KATNBL1: variants seen among roughly 807,000 people sequenced by gnomAD.
KATNBL1 encodes the protein KATNB1-like protein 1.
A neutral mutation model predicts 44.7 loss-of-function variants in KATNBL1; 28 were observed. The ratio of observed to expected loss-of-function variants is 0.63; its 90% CI spans 0.46 to 0.86. KATNBL1 has a LOEUF of 0.86. Ranked by LOEUF, KATNBL1 falls within the 40% of genes least tolerant of loss-of-function variation. The pLI, the probability that KATNBL1 is intolerant of heterozygous loss-of-function variation, is 0.00. For missense variants in KATNBL1, 272 were observed against 350.7 expected, an observed-to-expected ratio of 0.78 and a Z score of 1.79; for synonymous variants, 78 against 114.9, an observed-to-expected ratio of 0.68 and a Z score of 2.06.
intron 1 of KATNBL1, among the ~76,000 whole-genome samples, chr15:34,175,822 G>A (rs775162542): frequency 5.9e-5 from 9 of 151,302 alleles, no homozygotes; most frequent in African/African-American, 1.9e-4. Flanking sequence ...CCCAGATCAC[G>A]CCATTGCACT....
chr15:34,155,694 CATTCT>C (rs1888617404), intron 2 of KATNBL1, among the ~76,000 whole-genome samples: 1 of 152,138 alleles, frequency 6.6e-6, no homozygotes, highest in Non-Finnish European at 1.5e-5. Flanking sequence ...TGTCTAAGGC[CATTCT>C]ATTTTCCCAA....
chr15:34,151,037 T>A (rs1308065133), intron 4 of KATNBL1, among the ~76,000 whole-genome samples: 1 of 152,240 alleles, frequency 6.6e-6, no homozygotes. Context: ...TGATTCCTTG[T>A]CTTTGCTATT....
chr15:34,175,913 T>C (rs1321483599), intron 1 of KATNBL1, among the ~76,000 whole-genome samples: 1 of 152,000 alleles, frequency 6.6e-6, no homozygotes, highest in Non-Finnish European at 1.5e-5. Flanking sequence ...TACTCCTACA[T>C]AAAAATGCAG....
chr15:34,152,329 G>C (rs1037382430), intron 4 of KATNBL1, among the ~76,000 whole-genome samples: 1 of 151,474 alleles, frequency 6.6e-6, no homozygotes, highest in African/African-American at 2.4e-5. Context: ...GCCTCCTTCT[G>C]AGTAGCTGGG....
At chr15:34,206,874 T>C (rs758441044) in intron 1 of KATNBL1, among the ~76,000 whole-genome samples, 5 of 152,128 alleles carry the variant, frequency 3.3e-5, no homozygotes, top group Non-Finnish European at 5.9e-5. Context: ...ACCATTTGTA[T>C]TAGGTTTAAG....
chr15:34,148,545 G>A (rs1171799383), intron 5 of KATNBL1, 87 bp downstream of exon 5: 6 of 736,558 alleles, frequency 8.1e-6, no homozygotes, highest in Non-Finnish European at 4.8e-6. Flanking sequence ...CCATGATTGT[G>A]CCACTGTACT....
chr15:34,146,651 G>A (rs556554357), intron 8 of KATNBL1, 110 bp downstream of exon 8: 3 of 680,468 alleles, frequency 4.4e-6, no homozygotes, highest in South Asian at 1.7e-5. Context: ...AATATAAAAA[G>A]AATAAATACC....
rs771451456 is a variant in KATNBL1, at chr15:34,148,601, T to C, written c.557+31A>G. 3 of 1,257,306 alleles carry C rather than the reference T, an allele frequency of 2.4e-6. No individual in the cohort carries two copies. In the East Asian group the frequency reaches 7.0e-5, roughly 29 times the overall value. The allele number at this position is 1,257,306 out of a possible 1,614,324, so 77.9% of individuals were successfully genotyped here. A position where few individuals can be genotyped will look rare whatever the true frequency, so the allele number is the denominator to read the frequency against. The stretch of plus-strand genomic sequence containing the variant: ...AGAACTTGTCTCAGAAAAAAAGTGA[T>C]TGAACAAAGAGGATAAAAGGTCACA... On this transcript the variant is annotated intron_variant, in intron 5 of 9. Coordinates refer to ENST00000256544, the MANE Select transcript of KATNBL1 (RefSeq NM_024713.3).
At chr15:34,166,527 G>T (rs1194897487) in intron 1 of KATNBL1, among the ~76,000 whole-genome samples, 3 of 152,250 alleles carry the variant, frequency 2.0e-5, no homozygotes, top group Non-Finnish European at 4.4e-5. Flanking sequence ...TGAACAAAAG[G>T]CAGCAGAAAC....
At chr15:34,178,982 GA>G (rs1395012834) in intron 1 of KATNBL1, among the ~76,000 whole-genome samples, 1 of 152,100 alleles carries the variant, frequency 6.6e-6, no homozygotes, top group East Asian at 1.9e-4. Context: ...AAAAGAAGGT[GA>G]TAAGAATGGA....
chr15:34,160,118 G>A (rs75840115), intron 2 of KATNBL1, among the ~76,000 whole-genome samples: 249 of 152,092 alleles, frequency 1.6e-3, no homozygotes, highest in Non-Finnish European at 2.6e-3. Context: ...TTTCTCATTC[G>A]GGACATTTTC....
At chr15:34,193,023 C>G (rs1232812725) in intron 1 of KATNBL1, among the ~76,000 whole-genome samples, 1 of 149,576 alleles carries the variant, frequency 6.7e-6, no homozygotes, top group Non-Finnish European at 1.5e-5. Flanking sequence ...CGAGACCATC[C>G]TGGCTAACAC....
chr15:34,190,031 G>A lies in KATNBL1; in HGVS notation c.-15+19920C>T, dbSNP rs190019506. On this transcript the variant is annotated intron_variant, in intron 1 of 9. Transcript: ENST00000256544. ...ACGATCTCGGCTCACTGCAAGCTCC[G>A]CCTCCCGGGTTCATGCCATTCTTCT... Among the ~76,000 whole-genome samples the A allele has an allele frequency of 6.2e-3, 930 of 151,066 alleles. 8 individuals are homozygous for A. The highest frequency in any genetic ancestry group is 0.021 in the African/African-American group (876 of 41,096).
chr15:34,153,160 T>A, intron 3 of KATNBL1, 91 bp from the exon 4 acceptor site: 1 of 801,788 alleles, frequency 1.2e-6, no homozygotes, highest in Non-Finnish European at 1.9e-6. Context: ...CTATATTTGG[T>A]GATTGTAATC....
chr15:34,151,213 A>T (rs186711256), intron 4 of KATNBL1, among the ~76,000 whole-genome samples: 105 of 152,320 alleles, frequency 6.9e-4, no homozygotes, highest in African/African-American at 2.4e-3. Flanking sequence ...CCAGCATTGT[A>T]TAAGTGTTCT....
intron 2 of KATNBL1, among the ~76,000 whole-genome samples, chr15:34,159,770 T>C (rs991888848): frequency 6.6e-6 from 1 of 152,214 alleles, no homozygotes; most frequent in East Asian, 1.9e-4. Flanking sequence ...ATTAATTCTC[T>C]TAATAGATTT....
intron 1 of KATNBL1, among the ~76,000 whole-genome samples, chr15:34,188,491 G>C (rs954213663): frequency 6.6e-6 from 1 of 152,190 alleles, no homozygotes; most frequent in Non-Finnish European, 1.5e-5. Flanking sequence ...GGGAGGTGGA[G>C]GTTGCAGTGA....
rs944049787 is a variant in KATNBL1, at chr15:34,188,255, G to A, written c.-15+21696C>T. On this transcript the variant is annotated intron_variant, in intron 1 of 9. Transcript: ENST00000256544. Reference sequence around the variant, plus strand: ...TGTACACTCTACTCAGCTGTTAAAGGCTATAAATAGCGCAAATGAGCTGGG... The same window carrying A: ...TGTACACTCTACTCAGCTGTTAAAGACTATAAATAGCGCAAATGAGCTGGG... Among the ~76,000 whole-genome samples the A allele has an allele frequency of 4.0e-5, 6 of 150,166 alleles. 1 individual carries two copies. The highest frequency in any genetic ancestry group is 4.2e-4 in the South Asian group (2 of 4,768).
intron 7 of KATNBL1, 168 bp downstream of exon 7, chr15:34,147,032 T>C: frequency 1.6e-6 from 1 of 642,064 alleles, no homozygotes; most frequent in Non-Finnish European, 2.8e-6. Context: ...GAGATGCTTT[T>C]ATAATTGTCC....
Sources: allele counts gnomAD v4.1 joint callset (sites outside exome capture counted in the v4.1 genomes callset), GRCh38; gene constraint gnomAD v4.1.1; transcripts MANE v1.5; gene names NCBI Gene and HGNC (gene_info 2026-07-23, HGNC 2026-07-21).